Variants in DOCK1 observed in about 807,000 individuals in gnomAD.
DOCK1 encodes dedicator of cytokinesis protein 1.
DOCK1 carries 138 observed loss-of-function variants against 262.7 expected under a neutral mutation model. The observed-to-expected ratio is 0.53, with a 90% CI of 0.46 to 0.61. DOCK1 has a LOEUF of 0.61. Ranked by LOEUF, DOCK1 falls within the 20% of genes least tolerant of loss-of-function variation. The pLI, the probability that DOCK1 is intolerant of heterozygous loss-of-function variation, is 0.00. For synonymous variants in DOCK1, 866 were observed against 867.4 expected (o/e 1.00, Z 0.03); for missense variants, 1,908 against 2,370.7 (o/e 0.80, Z 4.05).
At chr10:127,250,247 C>A (rs1328152711) in intron 28 of DOCK1, among the ~76,000 whole-genome samples, 2 of 152,208 alleles carry the variant, frequency 1.3e-5, no homozygotes, top group African/African-American at 2.4e-5. Context: ...CACGTGCAAA[C>A]ATGTAATCTG....
chr10:127,072,693 TC>T (rs1219674912), intron 23 of DOCK1, among the ~76,000 whole-genome samples: 1 of 152,168 alleles, frequency 6.6e-6, no homozygotes, highest in Non-Finnish European at 1.5e-5. Context: ...CATGAAGTAA[TC>T]CTAATCCCTT....
intron 25 of DOCK1, among the ~76,000 whole-genome samples, chr10:127,117,331 G>A (rs999144432): frequency 1.2e-4 from 19 of 152,190 alleles, no homozygotes; most frequent in African/African-American, 4.3e-4. Context: ...GCTGTCCACC[G>A]CCGTGGTGCT....
chr10:127,440,839 G>A (rs764059648), intron 49 of DOCK1, among the ~76,000 whole-genome samples: 6 of 152,194 alleles, frequency 3.9e-5, no homozygotes, highest in Non-Finnish European at 8.8e-5. Context: ...CTGGAGGCTG[G>A]CCTGAAGTAC....
chr10:127,115,729 T>C (rs1425115266), intron 25 of DOCK1, among the ~76,000 whole-genome samples: 1 of 152,230 alleles, frequency 6.6e-6, no homozygotes, highest in African/African-American at 2.4e-5. Context: ...GACTTTTAAG[T>C]TAGTAAAGAG....
intron 22 of DOCK1, among the ~76,000 whole-genome samples, chr10:127,057,392 C>G (rs952313557): frequency 1.3e-5 from 2 of 152,160 alleles, no homozygotes; most frequent in African/African-American, 4.8e-5. Flanking sequence ...GTATAATTGA[C>G]AGTAATTATT....
intron 29 of DOCK1, among the ~76,000 whole-genome samples, chr10:127,318,643 T>C (rs755872172): frequency 5.9e-5 from 9 of 152,204 alleles, no homozygotes; most frequent in African/African-American, 1.7e-4. Flanking sequence ...GGCATGGCAG[T>C]GTGGTCTCAT....
chr10:126,920,056 C>A (rs965753360), intron 1 of DOCK1, among the ~76,000 whole-genome samples: 1 of 152,138 alleles, frequency 6.6e-6, no homozygotes, highest in Non-Finnish European at 1.5e-5. Flanking sequence ...CTCCCTCCAC[C>A]CCGGCTGTGG....
chr10:126,921,030 C>T (rs1414766839), intron 1 of DOCK1, among the ~76,000 whole-genome samples: 1 of 152,026 alleles, frequency 6.6e-6, no homozygotes, highest in Non-Finnish European at 1.5e-5. Context: ...AACCCCGTCT[C>T]TACTAAAAAT....
intron 27 of DOCK1, among the ~76,000 whole-genome samples, chr10:127,203,464 T>C (rs1048800459): frequency 6.6e-6 from 1 of 152,226 alleles, no homozygotes; most frequent in Non-Finnish European, 1.5e-5. Context: ...GATGTATTTA[T>C]TTCGCAGCGT....
chr10:127,317,483 G>T (rs2062334898), intron 29 of DOCK1, among the ~76,000 whole-genome samples: 1 of 152,086 alleles, frequency 6.6e-6, no homozygotes, highest in African/African-American at 2.4e-5. Flanking sequence ...CTTCATGCTG[G>T]GCACTGTTTG....
At chr10:127,153,792 T>C (rs2052747848) in intron 27 of DOCK1, 2 of 1,317,496 alleles carry the variant, frequency 1.5e-6, no homozygotes, top group African/African-American at 1.5e-5. Context: ...CTTGCATTTG[T>C]GGGTAAACAT....
At position 127,415,160 on chromosome 10, in the gene DOCK1, G is replaced by C; in HGVS notation, c.4437G>C (p.Trp1479Cys). The change falls in exon 44 of 52, where the codon TGG (tryptophan) becomes TGC (cysteine). Residue 1479 changes from tryptophan to cysteine, a missense_variant. Physicochemically the swap from Trp to Cys is radical, Grantham distance 215. Transcript: ENST00000623213. ...KNPDNEFANM[W>C]IERTIYTTAY... ...GTGTGTTTCCTTTGCAGAATATGTG[G>C]ATCGAGAGAACCATATATACAACTG... is the stretch of plus-strand genomic sequence containing the variant. The C allele has an allele frequency of 6.2e-7, 1 of 1,613,182 alleles. No homozygotes were observed. The highest frequency in any genetic ancestry group is 8.5e-7 in the Non-Finnish European group (1 of 1,179,748).
Position 126,941,739 on chromosome 10 carries a change from T to A in DOCK1, c.47-28963T>A, listed in dbSNP as rs1045775880. Among the ~76,000 whole-genome samples, 189 of 151,492 alleles carry A rather than the reference T, an allele frequency of 1.2e-3. 2 individuals are homozygous for A. In the South Asian group the frequency reaches 0.019, roughly 15 times the overall value. On this transcript the variant is annotated intron_variant, in intron 1 of 51. Coordinates refer to ENST00000623213, the MANE Select transcript of DOCK1 (RefSeq NM_001290223.2). ...CACTGCACTCCAGCCTGGGCGACAG[T>A]GCGAGACTCCATCTCAAAACAGACA...
intron 15 of DOCK1, among the ~76,000 whole-genome samples, chr10:127,025,699 C>T (rs2042790128): frequency 6.6e-6 from 1 of 152,024 alleles, no homozygotes; most frequent in African/African-American, 2.4e-5. Context: ...ATCCACCCTC[C>T]TCGGCCTCCC....
At chr10:127,336,263 G>C (rs1037508268) in intron 29 of DOCK1, among the ~76,000 whole-genome samples, 41 of 152,144 alleles carry the variant, frequency 2.7e-4, no homozygotes, top group African/African-American at 9.7e-4. Context: ...TGCATGTCCT[G>C]GAAGTTTCTG....
chr10:126,978,583 G>A (rs111586590), intron 3 of DOCK1, among the ~76,000 whole-genome samples: 3,174 of 152,226 alleles, frequency 0.021, 111 homozygotes, highest in African/African-American at 0.071. Context: ...TTAGCTTCAT[G>A]GAACCTAATT....
At chr10:127,363,437 C>G (rs1272772236) in intron 33 of DOCK1, among the ~76,000 whole-genome samples, 1 of 151,938 alleles carries the variant, frequency 6.6e-6, no homozygotes, top group Non-Finnish European at 1.5e-5. Flanking sequence ...CCACTGCACT[C>G]CCGCCTAGGT....
At position 127,413,212 on chromosome 10, in the gene DOCK1, C is replaced by T. The variant is rs539894439; in HGVS notation, c.4429-1940C>T. On this transcript the variant is annotated intron_variant, in intron 43 of 51. Transcript: ENST00000623213. ...AATAGACACAAGGAGGTCAAGTGAG[C>T]CACTGGAGGGTGCGCGGCCAGTTGG... 3.9e-5 allele frequency among the ~76,000 whole-genome samples: 6 copies of T among 152,284 alleles called. No individual in the cohort carries two copies. The South Asian group carries it at 1.2e-3, about 32-fold the overall frequency.
intron 23 of DOCK1, among the ~76,000 whole-genome samples, chr10:127,073,568 G>A (rs1470749980): frequency 6.6e-6 from 1 of 152,356 alleles, no homozygotes; most frequent in African/African-American, 2.4e-5. Flanking sequence ...CTCTCCATTT[G>A]AGGGAAAAGT....
Sources: allele counts gnomAD v4.1 joint callset (sites outside exome capture counted in the v4.1 genomes callset), GRCh38; gene constraint gnomAD v4.1.1; transcripts MANE v1.5; gene names NCBI Gene and HGNC (gene_info 2026-07-23, HGNC 2026-07-21).